MARCHF5: variants seen among roughly 807,000 people sequenced by gnomAD.
The protein encoded by MARCHF5 is membrane associated ring-CH-type finger 5, also known as E3 ubiquitin-protein ligase MARCHF5.
MARCHF5 carries 5 observed loss-of-function variants against 36.5 expected under a neutral mutation model. That is an observed-to-expected ratio of 0.14 (90% CI 0.07 to 0.29). The LOEUF (loss-of-function observed/expected upper bound fraction) is 0.29. Among genes scored for constraint, MARCHF5 ranks in the 10% least tolerant of loss-of-function variants. The pLI, the probability that MARCHF5 is intolerant of heterozygous loss-of-function variation, is 1.00. For synonymous variants in MARCHF5, 103 were observed against 109.9 expected (o/e 0.94, Z 0.39); for missense variants, 179 against 336.3 (o/e 0.53, Z 3.66).
chr10:92,298,178 A>C (rs2771257), intron 1 of MARCHF5, among the ~76,000 whole-genome samples: 150,211 of 152,236 alleles, frequency 0.99, 74,141 homozygotes, highest in Non-Finnish European at 1. Context: ...CTCTCTCTCT[A>C]TATATGTATA....
At chr10:92,301,185 C>T (rs1843007390) in intron 1 of MARCHF5, among the ~76,000 whole-genome samples, 1 of 152,188 alleles carries the variant, frequency 6.6e-6, no homozygotes, top group African/African-American at 2.4e-5. Context: ...CCACGCCTGA[C>T]CTGCCTCCTA....
chr10:92,302,974 A>T (rs1272470535), intron 1 of MARCHF5, among the ~76,000 whole-genome samples: 1 of 152,214 alleles, frequency 6.6e-6, no homozygotes, highest in Non-Finnish European at 1.5e-5. Context: ...TTTTCATCAC[A>T]GTGATTTCTC....
At chr10:92,299,907 G>A (rs1276896070) in intron 1 of MARCHF5, among the ~76,000 whole-genome samples, 1 of 151,920 alleles carries the variant, frequency 6.6e-6, no homozygotes, top group Non-Finnish European at 1.5e-5. Context: ...TTAAGTTCAG[G>A]GCTGGGCACT....
At chr10:92,335,607 T>C (rs1813580222) in intron 2 of MARCHF5, among the ~76,000 whole-genome samples, 2 of 152,206 alleles carry the variant, frequency 1.3e-5, no homozygotes, top group African/African-American at 4.8e-5. Flanking sequence ...AAATGCAACC[T>C]TTGCCTCCAT....
intron 3 of MARCHF5, among the ~76,000 whole-genome samples, chr10:92,343,277 C>T (rs997179548): frequency 6.6e-6 from 1 of 152,198 alleles, no homozygotes; most frequent in African/African-American, 2.4e-5. Flanking sequence ...TCCTTCCAGG[C>T]TTAGCTAGCT....
intron 1 of MARCHF5, among the ~76,000 whole-genome samples, chr10:92,298,376 G>A (rs763464724): frequency 6.6e-6 from 1 of 152,170 alleles, no homozygotes; most frequent in African/African-American, 2.4e-5. Context: ...ACAACTCCCA[G>A]ATCTGTGTCT....
chr10:92,331,301 T>G (rs1186353179), intron 2 of MARCHF5, among the ~76,000 whole-genome samples: 1 of 152,148 alleles, frequency 6.6e-6, no homozygotes, highest in East Asian at 1.9e-4. Context: ...GTTGTGCTTT[T>G]TCTTCTTCAC....
In MARCHF5 at chr10:92,352,784, G is replaced by T. The variant is rs1843734179; in HGVS notation, c.*1577G>T. ...TGAACATTCAAATTTGTATTATTTG[G>T]AGATGAAGATTTGACTAACAGTGAG... On this transcript the variant is annotated 3_prime_UTR_variant, in exon 6 of 6. Coordinates refer to ENST00000358935, the MANE Select transcript of MARCHF5 (RefSeq NM_017824.5). 6.6e-6 allele frequency: 1 copy of T among 152,484 alleles called. No homozygotes were observed. Among genetic ancestry groups the T allele is most frequent in the African/African-American group, 2.4e-5 (1 of 41,410 alleles). 9.4% of individuals were successfully genotyped at this position (152,484 alleles called of 1,614,324 possible). A position where few individuals can be genotyped will look rare whatever the true frequency, so the allele number is the denominator to read the frequency against.
rs569268742 is a variant in MARCHF5, at chr10:92,313,462, A to G, written c.238+2125A>G. On this transcript the variant is annotated intron_variant, in intron 2 of 5. Transcript: ENST00000358935. The stretch of plus-strand genomic sequence containing the variant: ...TACTAAAAATACAAAAAAATTAGCC[A>G]GCCTTGGTGGCAGGTGCCTCTAGTT... Among the ~76,000 whole-genome samples the G allele has an allele frequency of 3.2e-4, 49 of 151,220 alleles. 1 individual carries two copies. The highest frequency in any genetic ancestry group is 2.5e-3 in the South Asian group (12 of 4,794).
intron 3 of MARCHF5, among the ~76,000 whole-genome samples, chr10:92,348,295 C>G (rs955843672): frequency 1.3e-5 from 2 of 152,006 alleles, no homozygotes; most frequent in Admixed American, 6.6e-5. Flanking sequence ...TCGAGACCAA[C>G]CTGGCCAACA....
chr10:92,344,164 C>G (rs1843613155), intron 3 of MARCHF5, among the ~76,000 whole-genome samples: 1 of 152,084 alleles, frequency 6.6e-6, no homozygotes, highest in Non-Finnish European at 1.5e-5. Flanking sequence ...TGTTAAAACA[C>G]AAATAAATTG....
intron 1 of MARCHF5, among the ~76,000 whole-genome samples, chr10:92,295,945 G>C (rs769441659): frequency 2.6e-5 from 4 of 151,172 alleles, no homozygotes; most frequent in African/African-American, 9.7e-5. Context: ...GCGCGATCTC[G>C]GTTCACCACA....
At chr10:92,330,478 C>T (rs1216647939) in intron 2 of MARCHF5, among the ~76,000 whole-genome samples, 1 of 152,042 alleles carries the variant, frequency 6.6e-6, no homozygotes, top group East Asian at 1.9e-4. Context: ...TTTCTTGGCT[C>T]CTTTGACTCC....
chr10:92,331,512 G>A (rs924322799), intron 2 of MARCHF5, among the ~76,000 whole-genome samples: 3 of 151,566 alleles, frequency 2.0e-5, no homozygotes, highest in Admixed American at 6.6e-5. Flanking sequence ...ATTTTGCATT[G>A]GAAGTTTTCA....
At chr10:92,329,994 C>T (rs1843417425) in intron 2 of MARCHF5, among the ~76,000 whole-genome samples, 1 of 152,162 alleles carries the variant, frequency 6.6e-6, no homozygotes, top group African/African-American at 2.4e-5. Context: ...AGGCTCCTAC[C>T]ACCACGCCCA....
chr10:92,304,641 T>A (rs1237737623), intron 1 of MARCHF5, among the ~76,000 whole-genome samples: 1 of 152,254 alleles, frequency 6.6e-6, no homozygotes, highest in Non-Finnish European at 1.5e-5. Flanking sequence ...TAAAGTAATA[T>A]GAAAATTTCT....
intron 2 of MARCHF5, among the ~76,000 whole-genome samples, chr10:92,325,388 G>A (rs1843344390): frequency 6.6e-6 from 1 of 152,102 alleles, no homozygotes; most frequent in Admixed American, 6.6e-5. Context: ...TCCAATTACT[G>A]TTAAATTGCC....
At chr10:92,309,472 A>G (rs1299036595) in intron 1 of MARCHF5, among the ~76,000 whole-genome samples, 1 of 152,184 alleles carries the variant, frequency 6.6e-6, no homozygotes, top group Non-Finnish European at 1.5e-5. Flanking sequence ...AATTATGCTG[A>G]TGTAGCTATT....
Position 92,311,120 on chromosome 10 carries a change from T to G in MARCHF5, c.36-15T>G, listed in dbSNP as rs756045796. On this transcript the variant is annotated splice_polypyrimidine_tract_variant and intron_variant, in intron 1 of 5. Coordinates refer to ENST00000358935, the MANE Select transcript of MARCHF5 (RefSeq NM_017824.5). ...TAAAGATATAAATGTCATCCTTTTC[T>G]CTTTTAATTTACAGAAGTTGCTGGG... 1.9e-6 allele frequency: 3 copies of G among 1,607,990 alleles called. No homozygotes were observed. In the South Asian group the frequency reaches 3.3e-5, roughly 18 times the overall value.
Sources: gnomAD v4.1 joint callset for allele counts (sites outside exome capture counted in the v4.1 genomes callset) on GRCh38, gnomAD v4.1.1 for gene constraint, MANE v1.5 for transcripts, NCBI Gene and HGNC (gene_info 2026-07-23, HGNC 2026-07-21) for gene names.